OPCML: variants seen among roughly 807,000 people sequenced by gnomAD.
The protein encoded by OPCML is opioid-binding protein/cell adhesion molecule.
OPCML carries 13 observed loss-of-function variants against 37.8 expected under a neutral mutation model. That is an observed-to-expected ratio of 0.34 (90% CI 0.22 to 0.55). The LOEUF (loss-of-function observed/expected upper bound fraction) is 0.55, where lower values mean the gene tolerates loss of function less well. OPCML is among the 20% of genes least tolerant of loss of function. The pLI, the probability that OPCML is intolerant of heterozygous loss-of-function variation, is 0.91. For synonymous variants in OPCML, 176 were observed against 168.8 expected (o/e 1.04, Z -0.33); for missense variants, 341 against 435.6 (o/e 0.78, Z 1.93).
rs1453061982 is a variant in OPCML, at chr11:133,009,339, G to A, written c.62-66329C>T. ...CAACAGAATCTAGAATAAAAAAGATGTTCACAGTCTGTTCAAATATAACAA... is the reference window on the plus strand; with the variant it reads ...CAACAGAATCTAGAATAAAAAAGATATTCACAGTCTGTTCAAATATAACAA... On this transcript the variant is annotated intron_variant, in intron 1 of 7. Transcript: ENST00000524381. 7 of 499,332 alleles carry A rather than the reference G, an allele frequency of 1.4e-5. No homozygotes were observed. In the Admixed American group the frequency reaches 1.9e-4, roughly 14 times the overall value. 30.9% of individuals were successfully genotyped at this position (499,332 alleles called of 1,614,324 possible). A position where few individuals can be genotyped will look rare whatever the true frequency, so the allele number is the denominator to read the frequency against.
In OPCML at chr11:132,895,752, C is replaced by A. The variant is rs148672290; in HGVS notation, c.146+47174G>T. ...GCATTGTCTAAGAAAATGGTAACAGCCTCCATGAGGCAGTTGCCAAGCAAG... is the reference window on the plus strand; with the variant it reads ...GCATTGTCTAAGAAAATGGTAACAGACTCCATGAGGCAGTTGCCAAGCAAG... On this transcript the variant is annotated intron_variant, in intron 2 of 7. Transcript: ENST00000524381. Among the ~76,000 whole-genome samples, 30 of 152,218 alleles carry A rather than the reference C, an allele frequency of 2.0e-4. No homozygotes were observed. The East Asian group carries it at 4.8e-3, about 25-fold the overall frequency.
At chr11:133,281,912 G>C (rs1415440291) in intron 1 of OPCML, among the ~76,000 whole-genome samples, 1 of 152,072 alleles carries the variant, frequency 6.6e-6, no homozygotes, top group Non-Finnish European at 1.5e-5. Context: ...TTGAACTTAA[G>C]AGTGACAACT....
intron 1 of OPCML, among the ~76,000 whole-genome samples, chr11:133,338,374 G>T (rs1376023899): frequency 6.6e-6 from 1 of 152,214 alleles, no homozygotes; most frequent in Non-Finnish European, 1.5e-5. Flanking sequence ...GCGGGGTGAA[G>T]GGATGTGCCA....
chr11:132,958,504 T>C (rs1298669548), intron 1 of OPCML, among the ~76,000 whole-genome samples: 1 of 152,222 alleles, frequency 6.6e-6, no homozygotes, highest in African/African-American at 2.4e-5. Flanking sequence ...ATCTTCAGTG[T>C]AGCTGAAGCA....
At position 132,943,206 on chromosome 11, in the gene OPCML, C is replaced by G; in HGVS notation, c.62-196G>C. On this transcript the variant is annotated intron_variant, in intron 1 of 7. Transcript: ENST00000524381. The surrounding 1 kb of genome is among the most constrained non-coding windows in gnomAD (Gnocchi z 4.3). ...GGGAGGAGGGAAGGGGCAGAGTTCG[C>G]CAGGAGCAGGGGGAAGGAGAAGAGA... is the stretch of plus-strand genomic sequence containing the variant. The G allele has an allele frequency of 6.6e-7, 1 of 1,511,780 alleles. No homozygotes were observed. Among genetic ancestry groups the G allele is most frequent in the Non-Finnish European group, 9.0e-7 (1 of 1,110,114 alleles). The allele number at this position is 1,511,780 out of a possible 1,614,324, so 93.6% of individuals were successfully genotyped here. A position where few individuals can be genotyped will look rare whatever the true frequency, so the allele number is the denominator to read the frequency against.
chr11:132,763,420 A>C (rs67024082), intron 2 of OPCML, among the ~76,000 whole-genome samples: 24,066 of 152,130 alleles, frequency 0.16, 2,617 homozygotes, highest in African/African-American at 0.31. Flanking sequence ...TCTTGAGGTT[A>C]ACAGCTAGTA....
At chr11:132,593,764 T>C (rs1350395843) in intron 3 of OPCML, among the ~76,000 whole-genome samples, 1 of 152,170 alleles carries the variant, frequency 6.6e-6, no homozygotes, top group African/African-American at 2.4e-5. Flanking sequence ...CAGAATAAAT[T>C]AATCAATTAA....
At chr11:132,543,914 A>G (rs1013706265) in intron 3 of OPCML, among the ~76,000 whole-genome samples, 3 of 152,098 alleles carry the variant, frequency 2.0e-5, no homozygotes, top group African/African-American at 7.2e-5. Flanking sequence ...CTCAATTCCA[A>G]CAAACCTGGA....
intron 1 of OPCML, among the ~76,000 whole-genome samples, chr11:133,001,359 C>A (rs1467065010): frequency 1.3e-5 from 2 of 152,118 alleles, no homozygotes; most frequent in Non-Finnish European, 2.9e-5. Flanking sequence ...ACCTTTATAA[C>A]AAAAGAACTG....
chr11:133,322,853 C>T (rs932557054), intron 1 of OPCML, among the ~76,000 whole-genome samples: 2 of 152,274 alleles, frequency 1.3e-5, no homozygotes, highest in South Asian at 2.1e-4. Context: ...TAGCATGGTG[C>T]CAGACACATG....
At chr11:132,543,263 A>G (rs773775787) in intron 3 of OPCML, among the ~76,000 whole-genome samples, 1 of 152,160 alleles carries the variant, frequency 6.6e-6, no homozygotes, top group Non-Finnish European at 1.5e-5. Flanking sequence ...TGTAATCCCA[A>G]CACTTTCAGA....
intron 1 of OPCML, among the ~76,000 whole-genome samples, chr11:133,325,662 C>G (rs569700446): frequency 6.6e-6 from 1 of 152,042 alleles, no homozygotes; most frequent in Admixed American, 6.5e-5. Context: ...TCCTAAGAAC[C>G]CATTATCAGG....
intron 1 of OPCML, among the ~76,000 whole-genome samples, chr11:133,238,649 C>T (rs1017952691): frequency 6.6e-6 from 1 of 152,088 alleles, no homozygotes; most frequent in African/African-American, 2.4e-5. Flanking sequence ...GCCTCCCGCC[C>T]TAAGAAGCCT....
intron 3 of OPCML, among the ~76,000 whole-genome samples, chr11:132,604,120 G>C (rs1349802228): frequency 6.6e-6 from 1 of 152,130 alleles, no homozygotes. Flanking sequence ...TGGAAAGCAA[G>C]AGCCACAGTA....
At chr11:132,582,533 A>G (rs2096464235) in intron 3 of OPCML, among the ~76,000 whole-genome samples, 1 of 152,212 alleles carries the variant, frequency 6.6e-6, no homozygotes, top group Non-Finnish European at 1.5e-5. Flanking sequence ...AAGGCAGTCA[A>G]TGATAACCTA....
At chr11:133,387,299 C>T (rs1945075149) in intron 1 of OPCML, among the ~76,000 whole-genome samples, 1 of 152,180 alleles carries the variant, frequency 6.6e-6, no homozygotes, top group Non-Finnish European at 1.5e-5. Flanking sequence ...CATCACTTGA[C>T]ATGACAGGAC....
intron 1 of OPCML, among the ~76,000 whole-genome samples, chr11:133,223,340 A>G (rs1025908558): frequency 6.6e-6 from 1 of 152,248 alleles, no homozygotes; most frequent in Non-Finnish European, 1.5e-5. Context: ...ATAGGAAAAG[A>G]AGGACAGAGT....
chr11:132,461,487 A>T (rs1031435569), intron 4 of OPCML, among the ~76,000 whole-genome samples: 1 of 152,158 alleles, frequency 6.6e-6, no homozygotes, highest in Non-Finnish European at 1.5e-5. Context: ...GACGCTATAC[A>T]TCTCTTCAAT....
rs147408340 is a variant in OPCML, at chr11:133,231,763, A to G, written c.62-288753T>C. On this transcript the variant is annotated intron_variant, in intron 1 of 7. Transcript: ENST00000524381. ...GGTGATAACTATACCTACATTACAC[A>G]TGGATTAAATGAGACCACACATGTA... is the stretch of plus-strand genomic sequence containing the variant. Among the ~76,000 whole-genome samples the G allele has an allele frequency of 3.3e-5, 5 of 152,316 alleles. No individual in the cohort carries two copies. In the East Asian group the frequency reaches 9.7e-4, roughly 29 times the overall value.
Sources: gnomAD v4.1 joint callset for allele counts (sites outside exome capture counted in the v4.1 genomes callset) on GRCh38, gnomAD v4.1.1 for gene constraint, Gnocchi (gnomAD v3.1) non-coding constraint, MANE v1.5 for transcripts, NCBI Gene and HGNC (gene_info 2026-07-23, HGNC 2026-07-21) for gene names.